EIF4ENIF1: variants seen among roughly 807,000 people sequenced by gnomAD.
The protein encoded by EIF4ENIF1 is eukaryotic translation initiation factor 4E transporter.
EIF4ENIF1 carries 23 observed loss-of-function variants against 110.5 expected under a neutral mutation model. That is an observed-to-expected ratio of 0.21 (90% CI 0.15 to 0.29). The LOEUF (loss-of-function observed/expected upper bound fraction) is 0.29, where lower values mean the gene tolerates loss of function less well. Among genes scored for constraint, EIF4ENIF1 ranks in the 10% least tolerant of loss-of-function variants. The pLI is 1.00. For synonymous variants in EIF4ENIF1, 440 were observed against 437.0 expected (o/e 1.01, Z -0.09); for missense variants, 1,031 against 1,221.1 (o/e 0.84, Z 2.32).
At chr22:31,440,593 G>C (rs2050261030) in intron 18 of EIF4ENIF1, 111 bp downstream of exon 18, 1 of 1,333,892 alleles carries the variant, frequency 7.5e-7, no homozygotes, top group Non-Finnish European at 1.0e-6. Flanking sequence ...CCCAAACTTA[G>C]AACAAGTTAA....
intron 6 of EIF4ENIF1, among the ~76,000 whole-genome samples, chr22:31,460,438 C>G (rs950778982): frequency 5.9e-5 from 9 of 151,634 alleles, no homozygotes; most frequent in Non-Finnish European, 1.2e-4. Flanking sequence ...TTGAGACCAT[C>G]CTGGCTAACA....
chr22:31,457,676 A>G (rs1031228508), intron 7 of EIF4ENIF1, among the ~76,000 whole-genome samples: 10 of 152,172 alleles, frequency 6.6e-5, no homozygotes, highest in African/African-American at 2.4e-4. Flanking sequence ...TACCCAAATT[A>G]AGCCACAATA....
upstream of EIF4ENIF1, among the ~76,000 whole-genome samples, chr22:31,492,707 C>T (rs2052295164): frequency 6.6e-6 from 1 of 152,170 alleles, no homozygotes; most frequent in African/African-American, 2.4e-5. Flanking sequence ...TTGAGTGTTA[C>T]TCTCCTTGGC....
chr22:31,492,194 G>A (rs1450085217), upstream of EIF4ENIF1, among the ~76,000 whole-genome samples: 1 of 152,158 alleles, frequency 6.6e-6, no homozygotes, highest in Non-Finnish European at 1.5e-5. Flanking sequence ...TTCAGAGAGC[G>A]AACAAGAAAG....
In EIF4ENIF1 at chr22:31,439,812, G is replaced by A. The variant is rs1403209537; in HGVS notation, c.*68C>T. ...AAAGTAAAAGCCCATAAACCAACCC[G>A]AGATGAAGCAGGGTCCTGCCCAGTG... On this transcript the variant is annotated 3_prime_UTR_variant, in exon 19 of 19. Transcript: ENST00000330125. 8.9e-6 allele frequency: 14 copies of A among 1,578,194 alleles called. No individual in the cohort carries two copies. The highest frequency in any genetic ancestry group is 2.7e-5 in the African/African-American group (2 of 74,282).
intron 2 of EIF4ENIF1, among the ~76,000 whole-genome samples, chr22:31,482,895 G>A (rs1045995836): frequency 2.7e-5 from 4 of 150,812 alleles, no homozygotes; most frequent in African/African-American, 4.9e-5. Flanking sequence ...ATGGAGGCAC[G>A]CGCCTGTAGT....
intron 2 of EIF4ENIF1, among the ~76,000 whole-genome samples, chr22:31,485,820 A>G (rs941797063): frequency 2.0e-5 from 3 of 150,832 alleles, no homozygotes; most frequent in African/African-American, 7.3e-5. Context: ...AATAAAAATA[A>G]AAGTACTGGA....
chr22:31,448,056 C>T, intron 13 of EIF4ENIF1, 97 bp downstream of exon 13: 4 of 1,423,300 alleles, frequency 2.8e-6, no homozygotes, highest in Non-Finnish European at 4.0e-6. Flanking sequence ...GCCTCAAAAC[C>T]ATTTTTAAGA....
chr22:31,451,035 C>T (rs371177177), intron 10 of EIF4ENIF1: 1 of 152,312 alleles, frequency 6.6e-6, no homozygotes. Context: ...TGTATGCCAC[C>T]ACACCCAACT....
chr22:31,462,589 CATCTCT>C (rs2051032788), intron 6 of EIF4ENIF1, among the ~76,000 whole-genome samples: 1 of 152,028 alleles, frequency 6.6e-6, no homozygotes, highest in East Asian at 1.9e-4. Context: ...GTGATAATCA[CATCTCT>C]ATTTTATTTT....
chr22:31,470,856 A>G (rs1366987280), intron 3 of EIF4ENIF1, among the ~76,000 whole-genome samples: 1 of 151,434 alleles, frequency 6.6e-6, no homozygotes. Flanking sequence ...CCATAAATAC[A>G]AAAACATTAG....
chr22:31,466,530 A>G (rs2051193343), intron 4 of EIF4ENIF1, among the ~76,000 whole-genome samples: 1 of 151,284 alleles, frequency 6.6e-6, no homozygotes, highest in Admixed American at 6.6e-5. Context: ...TGCAGTAAGC[A>G]GAGACCACGC....
chr22:31,438,256 A>G (rs1218617394), downstream of EIF4ENIF1, among the ~76,000 whole-genome samples: 2 of 152,220 alleles, frequency 1.3e-5, no homozygotes, highest in African/African-American at 4.8e-5. Flanking sequence ...ACCTCATAGC[A>G]GGACTGAAAA....
intron 2 of EIF4ENIF1, among the ~76,000 whole-genome samples, chr22:31,476,981 A>C (rs113894808): frequency 7.9e-6 from 1 of 126,600 alleles, no homozygotes; most frequent in Non-Finnish European, 1.7e-5. Flanking sequence ...ACCCTGTCTC[A>C]AAAAAAAAAA....
At chr22:31,448,054 A>G in intron 13 of EIF4ENIF1, 99 bp downstream of exon 13, 1 of 1,407,334 alleles carries the variant, frequency 7.1e-7, no homozygotes, top group South Asian at 1.2e-5. Context: ...TGGCCTCAAA[A>G]CCATTTTTAA....
chr22:31,440,158 G>A, intron 18 of EIF4ENIF1, 37 bp from the exon 19 acceptor site: 1 of 1,613,876 alleles, frequency 6.2e-7, no homozygotes, highest in Non-Finnish European at 8.5e-7. Context: ...CACAGCATGA[G>A]AAGGAAAGTT....
intron 12 of EIF4ENIF1, among the ~76,000 whole-genome samples, chr22:31,449,114 G>C (rs1461459089): frequency 6.6e-6 from 1 of 152,084 alleles, no homozygotes; most frequent in Non-Finnish European, 1.5e-5. Context: ...AGATTCAAGC[G>C]ATTCTCCTGT....
intron 4 of EIF4ENIF1, among the ~76,000 whole-genome samples, chr22:31,465,530 A>G (rs2051156248): frequency 6.6e-6 from 1 of 152,220 alleles, no homozygotes; most frequent in Non-Finnish European, 1.5e-5. Flanking sequence ...CCAAGTGCAG[A>G]TGAGGATGTT....
chr22:31,454,238 C>G lies in EIF4ENIF1; in HGVS notation c.1418G>C (p.Arg473Pro). The G allele has an allele frequency of 6.2e-7, 1 of 1,614,072 alleles. No individual in the cohort carries two copies. Among genetic ancestry groups the G allele is most frequent in the Non-Finnish European group, 8.5e-7 (1 of 1,180,004 alleles). ...EETLSAVTNNRQLKKDGDMTA... is the reference protein window; with the variant it reads ...EETLSAVTNNPQLKKDGDMTA... ...CATGTCTCCGTCTTTCTTCAGTTGT[C>G]GATTGTTGGTTACGGCACTCAAGGT... is the stretch of plus-strand genomic sequence containing the variant. The change falls in exon 10 of 19, where the codon CGA becomes CCA. Residue 473 changes from arginine (R) to proline (P), a missense_variant. Arg to Pro is a moderately radical substitution (Grantham distance 103). Transcript: ENST00000330125.
Sources: gnomAD v4.1 joint callset for allele counts (sites outside exome capture counted in the v4.1 genomes callset) on GRCh38, gnomAD v4.1.1 for gene constraint, MANE v1.5 for transcripts, NCBI Gene and HGNC (gene_info 2026-07-23, HGNC 2026-07-21) for gene names.